HEXB: variants seen among roughly 807,000 people sequenced by gnomAD.
HEXB encodes beta-hexosaminidase subunit beta.
HEXB carries 51 observed loss-of-function variants against 71.2 expected under a neutral mutation model. The observed-to-expected ratio is 0.72, with a 90% CI of 0.57 to 0.90. HEXB has a LOEUF of 0.90. Among genes scored for constraint, HEXB ranks in the 40% least tolerant of loss-of-function variants. The pLI is 0.00. For missense variants in HEXB, 617 were observed against 677.0 expected, an observed-to-expected ratio of 0.91 and a Z score of 0.98; for synonymous variants, 266 against 249.3, an observed-to-expected ratio of 1.07 and a Z score of -0.63.
intron 1 of HEXB, among the ~76,000 whole-genome samples, chr5:74,660,468 G>A (rs1004844996): frequency 6.6e-6 from 1 of 152,178 alleles, no homozygotes; most frequent in Non-Finnish European, 1.5e-5. Context: ...TCAAACATAG[G>A]TCATGATGCC....
At chr5:74,703,746 G>A (rs548986085) in intron 5 of HEXB, among the ~76,000 whole-genome samples, 2 of 152,272 alleles carry the variant, frequency 1.3e-5, no homozygotes, top group East Asian at 3.9e-4. Flanking sequence ...GCTTACTGCA[G>A]TCTCAACCTC....
At chr5:74,719,405 G>T (rs1749759942) in intron 11 of HEXB, among the ~76,000 whole-genome samples, 1 of 152,122 alleles carries the variant, frequency 6.6e-6, no homozygotes, top group African/African-American at 2.4e-5. Context: ...GGATTCTGAG[G>T]AGTAGAATCC....
chr5:74,699,259 TG>T (rs1263790499), intron 5 of HEXB, among the ~76,000 whole-genome samples: 1 of 152,072 alleles, frequency 6.6e-6, no homozygotes, highest in Non-Finnish European at 1.5e-5. Context: ...ACTGTACTTT[TG>T]CTACCCCCCA....
chr5:74,706,646 C>A (rs1749399648), intron 6 of HEXB, among the ~76,000 whole-genome samples: 1 of 152,222 alleles, frequency 6.6e-6, no homozygotes, highest in African/African-American at 2.4e-5. Flanking sequence ...GATATTATAT[C>A]CTGCACCTGG....
intron 5 of HEXB, among the ~76,000 whole-genome samples, chr5:74,703,479 C>T (rs1749309423): frequency 6.6e-6 from 1 of 152,190 alleles, no homozygotes; most frequent in Non-Finnish European, 1.5e-5. Context: ...AATATCTAGG[C>T]TCTAGGTGTG....
intron 6 of HEXB, among the ~76,000 whole-genome samples, chr5:74,708,928 T>C (rs1056009634): frequency 3.4e-4 from 52 of 152,196 alleles, no homozygotes; most frequent in Admixed American, 1.4e-3. Context: ...AACTCAGCTC[T>C]GCACCAAGTG....
intron 1 of HEXB, among the ~76,000 whole-genome samples, chr5:74,654,371 C>T (rs1056836352): frequency 3.3e-5 from 5 of 152,156 alleles, no homozygotes; most frequent in African/African-American, 4.8e-5. Context: ...GCAAAACACA[C>T]TTGAGTCCAG....
rs966136002 is a variant in HEXB at position 74,688,896 on chromosome 5, G to A, written c.300-432G>A. On this transcript the variant is annotated intron_variant, in intron 1 of 13. Transcript: ENST00000261416. ...TCTCTGCTCTGTCCACTTTAGTGTA[G>A]TGGCAACTAGTCCAGCTCTCACATA... Among the ~76,000 whole-genome samples the A allele has an allele frequency of 3.9e-5, 6 of 152,316 alleles. No homozygotes were observed. The East Asian group carries it at 1.2e-3, about 29-fold the overall frequency.
intron 1 of HEXB, among the ~76,000 whole-genome samples, chr5:74,644,808 G>T: frequency 9.8e-6 from 1 of 102,250 alleles, no homozygotes. Flanking sequence ...GTCTCACTCT[G>T]TTGCCCAGGC....
intron 1 of HEXB, among the ~76,000 whole-genome samples, chr5:74,675,227 A>ATC (rs1319607273): frequency 1.3e-5 from 2 of 152,220 alleles, no homozygotes; most frequent in African/African-American, 4.8e-5. Flanking sequence ...GTGATCAGAC[A>ATC]TCAAGGATGG....
intron 1 of HEXB, among the ~76,000 whole-genome samples, chr5:74,687,541 C>T (rs911087503): frequency 2.0e-5 from 3 of 152,184 alleles, no homozygotes; most frequent in African/African-American, 7.2e-5. Context: ...TCCTGGAAGG[C>T]TAAACTAACC....
intron 1 of HEXB, among the ~76,000 whole-genome samples, chr5:74,663,852 G>A (rs963873973): frequency 4.6e-5 from 7 of 152,210 alleles, no homozygotes; most frequent in East Asian, 3.9e-4. Context: ...GGGGCCAGGC[G>A]TGGGGGCTCA....
chr5:74,655,754 C>T (rs1359162679), intron 1 of HEXB, among the ~76,000 whole-genome samples: 1 of 152,140 alleles, frequency 6.6e-6, no homozygotes, highest in African/African-American at 2.4e-5. Context: ...ATTTGCATTA[C>T]TTTTTACATA....
At chr5:74,710,778 T>G (rs1749521353) in intron 6 of HEXB, among the ~76,000 whole-genome samples, 1 of 151,900 alleles carries the variant, frequency 6.6e-6, no homozygotes, top group African/African-American at 2.4e-5. Context: ...CTCAATGAAA[T>G]AAAAGAGGAT....
In HEXB at chr5:74,721,241, A is replaced by AATAAG. The variant is rs1301647310; in HGVS notation, c.*70_*74dup. On this transcript the variant is annotated 3_prime_UTR_variant, in exon 14 of 14. Coordinates refer to ENST00000261416, the MANE Select transcript of HEXB (RefSeq NM_000521.4). ...TCAACTTTATTTTGAAATCATGTAA[A>AATAAG]ATAAGATATTAGACTGTTTTTTGAA... 4 of 1,236,574 alleles carry AATAAG rather than the reference A, an allele frequency of 3.2e-6. No individual in the cohort carries two copies. The highest frequency in any genetic ancestry group is 4.8e-6 in the Non-Finnish European group (4 of 837,878). The allele number at this position is 1,236,574 out of a possible 1,614,324, so 76.6% of individuals were successfully genotyped here.
intron 1 of HEXB, among the ~76,000 whole-genome samples, chr5:74,651,401 A>G (rs1264241004): frequency 6.6e-6 from 1 of 152,240 alleles, no homozygotes; most frequent in East Asian, 1.9e-4. Context: ...GGCTCTTCCT[A>G]GTACCTCACA....
At chr5:74,666,252 A>G (rs1040505361) in intron 1 of HEXB, among the ~76,000 whole-genome samples, 1 of 152,264 alleles carries the variant, frequency 6.6e-6, no homozygotes, top group African/African-American at 2.4e-5. Context: ...TGGGTCACAA[A>G]TAATACCAAC....
chr5:74,656,896 G>A (rs1465635248), intron 1 of HEXB, among the ~76,000 whole-genome samples: 1 of 152,202 alleles, frequency 6.6e-6, no homozygotes, highest in Non-Finnish European at 1.5e-5. Context: ...ACAGGTGTGA[G>A]CCACCACGTC....
At chr5:74,680,197 G>A (rs938906688) in intron 1 of HEXB, among the ~76,000 whole-genome samples, 9 of 152,178 alleles carry the variant, frequency 5.9e-5, no homozygotes, top group African/African-American at 1.9e-4. Context: ...TGCCCACAAG[G>A]TGACATCAAG....
Sources: gnomAD v4.1 joint callset for allele counts (sites outside exome capture counted in the v4.1 genomes callset) on GRCh38, gnomAD v4.1.1 for gene constraint, MANE v1.5 for transcripts, NCBI Gene and HGNC (gene_info 2026-07-23, HGNC 2026-07-21) for gene names.